The following CTH variants were observed in gnomAD, a reference collection of about 807,000 sequenced individuals.
The protein encoded by CTH is cystathionase (cystathionine gamma-lyase).
Under a neutral mutation model 50.6 loss-of-function variants are expected in CTH, and 41 were observed. The observed-to-expected ratio is 0.81, with a 90% CI of 0.63 to 1.05. CTH has a LOEUF of 1.05. Among genes scored for constraint, CTH ranks in the 50% least tolerant of loss-of-function variants. The probability of loss-of-function intolerance (pLI) is 0.00; values close to 1 mark genes in which losing one functional copy is unlikely to be tolerated. For synonymous variants in CTH, 156 were observed against 168.9 expected (o/e 0.92, Z 0.59); for missense variants, 470 against 492.6 (o/e 0.95, Z 0.43).
At chr1:70,429,338 A>G (rs1362141290) in intron 5 of CTH, among the ~76,000 whole-genome samples, 1 of 152,216 alleles carries the variant, frequency 6.6e-6, no homozygotes, top group East Asian at 1.9e-4. Context: ...AAATAATCAC[A>G]GCATACGTCA....
intron 7 of CTH, among the ~76,000 whole-genome samples, chr1:70,431,554 T>A (rs1048202680): frequency 6.6e-6 from 1 of 152,192 alleles, no homozygotes; most frequent in Non-Finnish European, 1.5e-5. Context: ...GGAATAAAAA[T>A]GTCCTCCACA....
At position 70,411,362 on chromosome 1, in the gene CTH, C is replaced by T; in HGVS notation, c.-54C>T. 1.2e-6 allele frequency: 2 copies of T among 1,603,422 alleles called. No homozygotes were observed. Among genetic ancestry groups the T allele is most frequent in the Admixed American group, 1.7e-5 (1 of 60,008 alleles). On this transcript the variant is annotated 5_prime_UTR_variant, in exon 1 of 12. Transcript: ENST00000370938. ...TCTCCCAACCCCGGACACCCGGCTT[C>T]GACTGGTTATATCTTCGGTGTTCTT...
Position 70,438,870 on chromosome 1 carries a change from C to G in CTH, c.1191+44C>G, listed in dbSNP as rs75559784. ...TGTGTGTGTGTGTGTGTGTGTGTGT[C>G]TGCTTTATCTTGGGCATGGGGGGTC... On this transcript the variant is annotated intron_variant, in intron 11 of 11. Coordinates refer to ENST00000370938, the MANE Select transcript of CTH (RefSeq NM_001902.6). 1,190 of 449,702 alleles carry G rather than the reference C, an allele frequency of 2.6e-3. 9 individuals are homozygous for G. In the African/African-American group the frequency reaches 0.037, roughly 14 times the overall value. 27.9% of individuals were successfully genotyped at this position (449,702 alleles called of 1,614,324 possible). A position where few individuals can be genotyped will look rare whatever the true frequency, so the allele number is the denominator to read the frequency against.
chr1:70,434,609 T>TC (rs1020099122), intron 9 of CTH, among the ~76,000 whole-genome samples: 17 of 152,062 alleles, frequency 1.1e-4, no homozygotes, highest in African/African-American at 3.4e-4. Flanking sequence ...TTTTTTTTTT[T>TC]CCCCTATTCC....
intron 1 of CTH, among the ~76,000 whole-genome samples, chr1:70,413,242 C>A (rs1002925462): frequency 6.6e-6 from 1 of 151,502 alleles, no homozygotes. Flanking sequence ...ATGTACACAG[C>A]CTCTCTTTCT....
chr1:70,421,083 ATT>A (rs898386833), intron 3 of CTH, among the ~76,000 whole-genome samples: 1 of 152,178 alleles, frequency 6.6e-6, no homozygotes, highest in Non-Finnish European at 1.5e-5. Flanking sequence ...TTTGATTTAT[ATT>A]GTCTCATTTT....
At chr1:70,433,315 G>C (rs1466529877) in intron 8 of CTH, among the ~76,000 whole-genome samples, 1 of 152,192 alleles carries the variant, frequency 6.6e-6, no homozygotes, top group African/African-American at 2.4e-5. Flanking sequence ...ATTTTGGATG[G>C]AGGGAGAGAG....
At chr1:70,432,679 T>G (rs1380143070) in intron 8 of CTH, among the ~76,000 whole-genome samples, 1 of 112,280 alleles carries the variant, frequency 8.9e-6, no homozygotes, top group African/African-American at 3.0e-5. Flanking sequence ...GTTCTCTCTC[T>G]CTCTTTTTTT....
chr1:70,411,564 G>A lies in CTH; in HGVS notation c.149G>A (p.Gly50Glu). Residue 50 changes from glycine to glutamate, a missense_variant, in exon 1 of 12, where the codon GGG (glycine) becomes GAG (glutamate). By Grantham distance (98) the Gly-to-Glu change is moderately conservative. Coordinates refer to ENST00000370938, the MANE Select transcript of CTH (RefSeq NM_001902.6). ...TCACTGTCCACCACGTTCAAGCAAG[G>A]GGCGCCTGGCCAGCACTCGGTGAGC... Reference protein sequence around the residue: ...PISLSTTFKQGAPGQHSGFEY... With the variant: ...PISLSTTFKQEAPGQHSGFEY... The A allele has an allele frequency of 6.2e-7, 1 of 1,613,980 alleles. No homozygotes were observed. The highest frequency in any genetic ancestry group is 1.1e-5 in the South Asian group (1 of 91,076).
rs758278230 is a variant in CTH, at chr1:70,439,080, TC to T, written c.1192-20del. The T allele has an allele frequency of 6.2e-7, 1 of 1,607,642 alleles. No homozygotes were observed. The highest frequency in any genetic ancestry group is 8.5e-7 in the Non-Finnish European group (1 of 1,174,202). ...GCCTATATGTTTAATAACATATTTT[TC>T]TTGTGCACTGTTATTATAGCACCCT... On this transcript the variant is annotated intron_variant, in intron 11 of 11. Coordinates refer to ENST00000370938, the MANE Select transcript of CTH (RefSeq NM_001902.6).
intron 10 of CTH, among the ~76,000 whole-genome samples, chr1:70,438,278 C>T (rs1274320350): frequency 6.6e-6 from 1 of 152,200 alleles, no homozygotes; most frequent in Non-Finnish European, 1.5e-5. Context: ...CTAATTATGA[C>T]AGGCTCTTGG....
Position 70,426,733 on chromosome 1 carries a change from C to T in CTH, c.588+2317C>T, listed in dbSNP as rs373403327. Among the ~76,000 whole-genome samples, 3 of 152,148 alleles carry T rather than the reference C, an allele frequency of 2.0e-5. No homozygotes were observed. The East Asian group carries it at 5.8e-4, about 29-fold the overall frequency. On this transcript the variant is annotated intron_variant, in intron 5 of 11. Transcript: ENST00000370938. ...AAATCTTCTGGCATTGTCTATTTGG[C>T]ATCTTCTATTTGTCCCAGGTGGTTT...
At chr1:70,422,284 T>C (rs1684242915) in intron 4 of CTH, among the ~76,000 whole-genome samples, 1 of 152,190 alleles carries the variant, frequency 6.6e-6, no homozygotes, top group Non-Finnish European at 1.5e-5. Flanking sequence ...GAAATTTGTA[T>C]GCCACCGGAA....
At chr1:70,425,146 ATT>A (rs1271047461) in intron 5 of CTH, among the ~76,000 whole-genome samples, 1 of 152,060 alleles carries the variant, frequency 6.6e-6, no homozygotes, top group Non-Finnish European at 1.5e-5. Flanking sequence ...TATACATATT[ATT>A]TCTCTTCTTC....
chr1:70,423,910 A>C (rs1684286443), intron 4 of CTH, among the ~76,000 whole-genome samples: 1 of 152,220 alleles, frequency 6.6e-6, no homozygotes, highest in Admixed American at 6.5e-5. Context: ...ATTCTTACAC[A>C]ATCTATGTTA....
chr1:70,425,862 G>A (rs1345239948), intron 5 of CTH, among the ~76,000 whole-genome samples: 7 of 151,980 alleles, frequency 4.6e-5, no homozygotes, highest in Admixed American at 4.6e-4. Flanking sequence ...CTCCCTCCAG[G>A]CCCCACCTCC....
intron 9 of CTH, 41 bp from the exon 10 acceptor site, chr1:70,435,084 A>C: frequency 6.4e-7 from 1 of 1,563,054 alleles, no homozygotes; most frequent in Non-Finnish European, 8.7e-7. Flanking sequence ...TAGTATTTTT[A>C]TTTTACTAGA....
intron 5 of CTH, among the ~76,000 whole-genome samples, chr1:70,426,233 A>C (rs540283255): frequency 6.6e-6 from 1 of 151,962 alleles, no homozygotes; most frequent in Non-Finnish European, 1.5e-5. Flanking sequence ...CCTTTTCCAC[A>C]CAAGTTCTCC....
At chr1:70,434,075 C>A in intron 9 of CTH, 126 bp downstream of exon 9, 1 of 1,493,636 alleles carries the variant, frequency 6.7e-7, no homozygotes, top group Non-Finnish European at 9.0e-7. Context: ...ACCTCTTTAT[C>A]ATGAAATGCA....
Sources: gnomAD v4.1 joint callset for allele counts (sites outside exome capture counted in the v4.1 genomes callset) on GRCh38, gnomAD v4.1.1 for gene constraint, MANE v1.5 for transcripts, NCBI Gene and HGNC (gene_info 2026-07-23, HGNC 2026-07-21) for gene names.